VPS41: variants seen among roughly 807,000 people sequenced by gnomAD.
The protein encoded by VPS41 is vacuolar protein sorting-associated protein 41 homolog.
VPS41 carries 85 observed loss-of-function variants against 130.9 expected under a neutral mutation model. The ratio of observed to expected loss-of-function variants is 0.65; its 90% CI spans 0.55 to 0.78. VPS41 has a LOEUF of 0.78. Among genes scored for constraint, VPS41 ranks in the 30% least tolerant of loss-of-function variants. The pLI, the probability that VPS41 is intolerant of heterozygous loss-of-function variation, is 0.00. For missense variants in VPS41, 874 were observed against 1,018.7 expected, an observed-to-expected ratio of 0.86 and a Z score of 1.93; for synonymous variants, 335 against 332.9, an observed-to-expected ratio of 1.01 and a Z score of -0.07.
intron 25 of VPS41, among the ~76,000 whole-genome samples, chr7:38,735,645 C>T (rs763485313): frequency 6.6e-6 from 1 of 152,176 alleles, no homozygotes; most frequent in African/African-American, 2.4e-5. Context: ...GGCTGTGTCT[C>T]GCTCATCCCC....
chr7:38,768,616 G>A (rs1457686555), intron 14 of VPS41, among the ~76,000 whole-genome samples: 1 of 152,094 alleles, frequency 6.6e-6, no homozygotes, highest in Non-Finnish European at 1.5e-5. Flanking sequence ...CAAGTCTATA[G>A]GAACAGAAGT....
At chr7:38,902,410 C>CA (rs888936704) in intron 1 of VPS41, among the ~76,000 whole-genome samples, 1 of 152,220 alleles carries the variant, frequency 6.6e-6, no homozygotes, top group Admixed American at 6.5e-5. Context: ...CCACAAGTGG[C>CA]AAATCAGTGG....
rs1269062653 is a variant in VPS41 at position 38,726,131 on chromosome 7, T to C, written c.*115A>G. The C allele has an allele frequency of 5.7e-6, 4 of 696,442 alleles. No individual in the cohort carries two copies. Among genetic ancestry groups the C allele is most frequent in the Admixed American group, 2.5e-5 (1 of 40,358 alleles). 43.1% of individuals were successfully genotyped at this position (696,442 alleles called of 1,614,324 possible). ...AATAGATGAAGAAATTGTTTTTGAG[T>C]ATAATATAAACATAAACAAATCTCT... On this transcript the variant is annotated 3_prime_UTR_variant, in exon 29 of 29. Transcript: ENST00000310301.
At chr7:38,827,519 A>G (rs1476043494) in intron 5 of VPS41, among the ~76,000 whole-genome samples, 1 of 152,180 alleles carries the variant, frequency 6.6e-6, no homozygotes, top group Non-Finnish European at 1.5e-5. Flanking sequence ...TTAAAAATGA[A>G]TGGTTAGCAA....
At chr7:38,772,468 T>G (rs1784171513) in intron 13 of VPS41, 54 bp downstream of exon 13, 1 of 1,175,252 alleles carries the variant, frequency 8.5e-7, no homozygotes, top group African/African-American at 2.2e-5. Context: ...TTTTATCTTC[T>G]CTCTCTATGC....
At chr7:38,771,135 T>G (rs1021062175) in intron 14 of VPS41, 63 bp downstream of exon 14, 8 of 1,172,208 alleles carry the variant, frequency 6.8e-6, no homozygotes, top group Admixed American at 2.0e-5. Context: ...CAAATTATTT[T>G]CAGTCTCACT....
intron 24 of VPS41, among the ~76,000 whole-genome samples, chr7:38,742,579 TC>T (rs917620161): frequency 6.6e-6 from 1 of 152,112 alleles, no homozygotes; most frequent in African/African-American, 2.4e-5. Flanking sequence ...GTGCCCAAAT[TC>T]ACTCAGGCCA....
intron 2 of VPS41, among the ~76,000 whole-genome samples, chr7:38,895,599 A>T (rs1786968052): frequency 6.6e-6 from 1 of 152,202 alleles, no homozygotes; most frequent in Non-Finnish European, 1.5e-5. Context: ...GTGGTTTACC[A>T]GGTTTCTGCA....
intron 1 of VPS41, among the ~76,000 whole-genome samples, chr7:38,908,669 AC>A (rs1249291400): frequency 1.3e-5 from 2 of 152,208 alleles, no homozygotes; most frequent in Non-Finnish European, 2.9e-5. Flanking sequence ...TTGCTCCAGA[AC>A]GGATGCATTT....
At chr7:38,871,347 G>A (rs1379848578) in intron 2 of VPS41, among the ~76,000 whole-genome samples, 1 of 152,160 alleles carries the variant, frequency 6.6e-6, no homozygotes, top group African/African-American at 2.4e-5. Flanking sequence ...TTCACCTGTG[G>A]GGCAAGGGAT....
intron 2 of VPS41, among the ~76,000 whole-genome samples, chr7:38,871,066 A>C (rs1786347581): frequency 6.6e-6 from 1 of 152,176 alleles, no homozygotes; most frequent in African/African-American, 2.4e-5. Context: ...CAGTCCCAGA[A>C]GGATAAGGAA....
chr7:38,797,074 G>GAGTGTT (rs1784636088), intron 7 of VPS41: 1 of 524,930 alleles, frequency 1.9e-6, no homozygotes, highest in African/African-American at 1.9e-5. Context: ...TAAAATGGAT[G>GAGTGTT]AGTGTTGAAG....
chr7:38,846,434 C>T (rs1362395241), intron 4 of VPS41, among the ~76,000 whole-genome samples: 3 of 152,068 alleles, frequency 2.0e-5, no homozygotes, highest in Admixed American at 1.3e-4. Flanking sequence ...AAGATGACAC[C>T]GATAATTTGC....
intron 25 of VPS41, among the ~76,000 whole-genome samples, chr7:38,737,349 C>A (rs1004204925): frequency 4.0e-5 from 6 of 151,676 alleles, no homozygotes; most frequent in Non-Finnish European, 7.4e-5. Flanking sequence ...TCCAGCCTGG[C>A]GACAGAGCAA....
At chr7:38,793,943 T>G (rs980868065) in intron 9 of VPS41, among the ~76,000 whole-genome samples, 2 of 152,334 alleles carry the variant, frequency 1.3e-5, no homozygotes, top group Admixed American at 6.5e-5. Flanking sequence ...TAATCATATC[T>G]TTTGCTAAAT....
At chr7:38,832,080 A>C in intron 4 of VPS41, among the ~76,000 whole-genome samples, 1 of 152,052 alleles carries the variant, frequency 6.6e-6, no homozygotes, top group Admixed American at 6.5e-5. Flanking sequence ...CATTTTTCTT[A>C]AGTCTATTGA....
intron 3 of VPS41, among the ~76,000 whole-genome samples, chr7:38,862,856 T>C (rs1021381694): frequency 2.0e-5 from 3 of 152,166 alleles, no homozygotes; most frequent in Non-Finnish European, 4.4e-5. Context: ...AGGACCCTCA[T>C]CTACTGACAA....
chr7:38,829,191 T>C (rs374745692), intron 5 of VPS41, among the ~76,000 whole-genome samples: 1 of 152,226 alleles, frequency 6.6e-6, no homozygotes, highest in East Asian at 1.9e-4. Context: ...AATTTGACAG[T>C]GCTTTTTGAA....
chr7:38,812,698 A>G (rs1032649128), intron 7 of VPS41, among the ~76,000 whole-genome samples: 2 of 152,070 alleles, frequency 1.3e-5, no homozygotes, highest in African/African-American at 4.8e-5. Context: ...CTCTATAATT[A>G]AAAAAACCCA....
Sources: gnomAD v4.1 joint callset for allele counts (sites outside exome capture counted in the v4.1 genomes callset) on GRCh38, gnomAD v4.1.1 for gene constraint, MANE v1.5 for transcripts, NCBI Gene and HGNC (gene_info 2026-07-23, HGNC 2026-07-21) for gene names.